Variants in ANKRD11 observed in about 807,000 individuals in gnomAD.
ANKRD11 encodes ankyrin repeat domain 11.
A neutral mutation model predicts 195.7 loss-of-function variants in ANKRD11; 17 were observed. The observed-to-expected ratio is 0.09, with a 90% CI of 0.06 to 0.13. ANKRD11 has a LOEUF of 0.13. ANKRD11 is among the 10% of genes least tolerant of loss of function. The probability of loss-of-function intolerance (pLI) is 1.00; values close to 1 mark genes in which losing one functional copy is unlikely to be tolerated. For missense variants in ANKRD11, 3,735 were observed against 3,566.1 expected, an observed-to-expected ratio of 1.05 and a Z score of -1.21; for synonymous variants, 1,953 against 1,528.1, an observed-to-expected ratio of 1.28 and a Z score of -6.49.
intron 2 of ANKRD11, chr16:89,324,280 G>A (rs1200034819): frequency 2.4e-6 from 3 of 1,249,634 alleles, no homozygotes; most frequent in South Asian, 2.7e-5. Context: ...GGAGCCCCGT[G>A]CTCCGGAACA....
intron 1 of ANKRD11, among the ~76,000 whole-genome samples, chr16:89,477,933 G>A (rs993405970): frequency 2.0e-5 from 3 of 152,080 alleles, no homozygotes; most frequent in African/African-American, 7.2e-5. Context: ...ACTCCAGTCT[G>A]GGGACAGAGC....
intron 1 of ANKRD11, among the ~76,000 whole-genome samples, chr16:89,477,476 C>T (rs576785806): frequency 7.4e-4 from 112 of 152,182 alleles, no homozygotes; most frequent in African/African-American, 2.6e-3. Context: ...CTGCCTCACC[C>T]TCCCGAGTAG....
At chr16:89,428,329 T>A (rs112135564) in intron 1 of ANKRD11, among the ~76,000 whole-genome samples, 1 of 150,584 alleles carries the variant, frequency 6.6e-6, no homozygotes, top group African/African-American at 2.5e-5. Flanking sequence ...ATCGAGACCA[T>A]CCTGGCCAAC....
chr16:89,407,887 T>C (rs1284985236), intron 2 of ANKRD11, among the ~76,000 whole-genome samples: 1 of 143,844 alleles, frequency 7.0e-6, no homozygotes, highest in Non-Finnish European at 1.5e-5. Context: ...GAAGAAGAAA[T>C]ATTAACTCCT....
chr16:89,277,975 C>G (rs747506345), intron 9 of ANKRD11: 1 of 162,260 alleles, frequency 6.2e-6, no homozygotes, highest in East Asian at 1.9e-4. Context: ...CTGTACCTCA[C>G]GCCACCTGCG....
intron 2 of ANKRD11, among the ~76,000 whole-genome samples, chr16:89,384,707 T>C (rs773105956): frequency 3.3e-5 from 5 of 151,964 alleles, no homozygotes; most frequent in Non-Finnish European, 7.4e-5. Context: ...AATTCTTCCC[T>C]CCTTTTACCT....
intron 1 of ANKRD11, among the ~76,000 whole-genome samples, chr16:89,445,281 T>C (rs1321846907): frequency 1.3e-5 from 2 of 152,218 alleles, no homozygotes; most frequent in Admixed American, 1.3e-4. Context: ...CTGTTTTCTT[T>C]AACTAATATA....
intron 1 of ANKRD11, among the ~76,000 whole-genome samples, chr16:89,428,503 T>G (rs542237487): frequency 6.7e-6 from 1 of 149,664 alleles, no homozygotes; most frequent in Non-Finnish European, 1.5e-5. Context: ...CCAGCCTGGG[T>G]GACAGAGCGA....
At chr16:89,298,495 C>T (rs1033312416) in intron 4 of ANKRD11, among the ~76,000 whole-genome samples, 1 of 152,186 alleles carries the variant, frequency 6.6e-6, no homozygotes, top group Admixed American at 6.5e-5. Context: ...GAAATGGGCC[C>T]AAAGTCCCAC....
At chr16:89,321,513 C>A (rs1024505984) in intron 2 of ANKRD11, among the ~76,000 whole-genome samples, 1 of 152,008 alleles carries the variant, frequency 6.6e-6, no homozygotes, top group African/African-American at 2.4e-5. Context: ...GCAGGGGCTG[C>A]CCAGGAGCAC....
intron 2 of ANKRD11, among the ~76,000 whole-genome samples, chr16:89,382,105 G>A (rs947126966): frequency 7.2e-5 from 11 of 152,196 alleles, no homozygotes; most frequent in Non-Finnish European, 1.0e-4. Context: ...GAACGGGCGA[G>A]GGGGACGCGG....
chr16:89,447,320 CACAA>C (rs1251980110), intron 1 of ANKRD11, among the ~76,000 whole-genome samples: 1 of 152,136 alleles, frequency 6.6e-6, no homozygotes, highest in Non-Finnish European at 1.5e-5. Context: ...AGCGACTTAT[CACAA>C]ACACCCCAAC....
chr16:89,444,626 G>A (rs1041969042), intron 1 of ANKRD11, among the ~76,000 whole-genome samples: 1 of 152,102 alleles, frequency 6.6e-6, no homozygotes, highest in South Asian at 2.1e-4. Flanking sequence ...AGCCCCTTCA[G>A]GGTCTAGCAG....
Position 89,394,556 on chromosome 16 carries a change from A to G in ANKRD11, c.-60+23728T>C, listed in dbSNP as rs542095429. On this transcript the variant is annotated intron_variant, in intron 2 of 12. Coordinates refer to ENST00000301030, the MANE Select transcript of ANKRD11 (RefSeq NM_013275.6). ...GGCAGGAGAATCGCTTGAACCCAGG[A>G]GGCGGAGGTTGCAGTGAGCCAGTAT... is the stretch of plus-strand genomic sequence containing the variant. 9.2e-5 allele frequency among the ~76,000 whole-genome samples: 14 copies of G among 151,896 alleles called. 1 individual carries two copies. The highest frequency in any genetic ancestry group is 3.1e-4 in the African/African-American group (13 of 41,398).
intron 1 of ANKRD11, among the ~76,000 whole-genome samples, chr16:89,444,086 A>T (rs2965818): frequency 6.6e-6 from 1 of 152,070 alleles, no homozygotes; most frequent in African/African-American, 2.4e-5. Flanking sequence ...TCTGAAATAA[A>T]TAACAACTCA....
At chr16:89,419,458 A>G (rs1458829802) in intron 1 of ANKRD11, among the ~76,000 whole-genome samples, 1 of 152,118 alleles carries the variant, frequency 6.6e-6, no homozygotes, top group Non-Finnish European at 1.5e-5. Flanking sequence ...TCTTAAAAAA[A>G]AAAAAAAAAG....
At chr16:89,405,327 T>C (rs1393361811) in intron 2 of ANKRD11, among the ~76,000 whole-genome samples, 1 of 152,144 alleles carries the variant, frequency 6.6e-6, no homozygotes, top group Non-Finnish European at 1.5e-5. Context: ...TCTAGTCACA[T>C]AGGTAACTGT....
chr16:89,475,014 C>T (rs1468075433), intron 1 of ANKRD11, among the ~76,000 whole-genome samples: 1 of 152,226 alleles, frequency 6.6e-6, no homozygotes, highest in Non-Finnish European at 1.5e-5. Flanking sequence ...CCTGCTGGTG[C>T]AGTGAGATGA....
chr16:89,373,511 T>C (rs1490658503), intron 2 of ANKRD11: 4 of 152,260 alleles, frequency 2.6e-5, no homozygotes, highest in Non-Finnish European at 4.4e-5. Context: ...AAAAGCCCAG[T>C]TCTGCTGAGT....
Sources: allele counts gnomAD v4.1 joint callset (sites outside exome capture counted in the v4.1 genomes callset), GRCh38; gene constraint gnomAD v4.1.1; transcripts MANE v1.5; gene names NCBI Gene and HGNC (gene_info 2026-07-23, HGNC 2026-07-21).